ASZ1: variants seen among roughly 807,000 people sequenced by gnomAD.
The protein encoded by ASZ1 is ankyrin repeat, SAM and basic leucine zipper domain-containing protein 1.
Under a neutral mutation model 61.8 loss-of-function variants are expected in ASZ1, and 67 were observed. That is an observed-to-expected ratio of 1.08 (90% CI 0.89 to 1.33). The LOEUF (loss-of-function observed/expected upper bound fraction) is 1.33, where lower values mean the gene tolerates loss of function less well. Ranked by LOEUF, ASZ1 falls within the 40% of genes most tolerant of loss-of-function variation. The pLI, the probability that ASZ1 is intolerant of heterozygous loss-of-function variation, is 0.00. For synonymous variants in ASZ1, 193 were observed against 192.7 expected (o/e 1.00, Z -0.01); for missense variants, 577 against 554.5 (o/e 1.04, Z -0.41).
chr7:117,426,798 A>G, intron 2 of ASZ1, 38 bp downstream of exon 2: 1 of 1,520,194 alleles, frequency 6.6e-7, no homozygotes, highest in East Asian at 2.3e-5. Flanking sequence ...CGAACTTAAG[A>G]CAGCTGTGTT....
chr7:117,397,968 G>C (rs902437997), intron 4 of ASZ1, among the ~76,000 whole-genome samples: 5 of 152,318 alleles, frequency 3.3e-5, no homozygotes, highest in South Asian at 2.1e-4. Flanking sequence ...TCCACATAGT[G>C]GGTAGCCAAT....
At chr7:117,421,368 A>G (rs1205536331) in intron 3 of ASZ1, among the ~76,000 whole-genome samples, 4 of 151,806 alleles carry the variant, frequency 2.6e-5, no homozygotes, top group Non-Finnish European at 1.5e-5. Flanking sequence ...GTGTGCCACC[A>G]CCCCTGGCTA....
chr7:117,391,768 G>A (rs568742085), intron 4 of ASZ1, among the ~76,000 whole-genome samples: 46 of 152,008 alleles, frequency 3.0e-4, no homozygotes, highest in African/African-American at 1.0e-3. Flanking sequence ...TGCTTTGGCT[G>A]TTCAGGTTCT....
At chr7:117,364,606 C>T (rs1179261115) in intron 12 of ASZ1, among the ~76,000 whole-genome samples, 2 of 152,076 alleles carry the variant, frequency 1.3e-5, no homozygotes, top group African/African-American at 4.8e-5. Context: ...CTAGAAACAT[C>T]CTGTGCTGGA....
chr7:117,399,508 C>T (rs1166857555), intron 4 of ASZ1, among the ~76,000 whole-genome samples: 1 of 152,166 alleles, frequency 6.6e-6, no homozygotes, highest in African/African-American at 2.4e-5. Context: ...TAACTCTTAG[C>T]GTTTAGCATG....
chr7:117,425,432 A>AT (rs571644836), intron 2 of ASZ1, among the ~76,000 whole-genome samples: 340 of 150,952 alleles, frequency 2.3e-3, no homozygotes, highest in East Asian at 8.1e-3. Context: ...CGCCCAGCTA[A>AT]TTTTTTTTGT....
intron 10 of ASZ1, among the ~76,000 whole-genome samples, chr7:117,373,662 G>A (rs987745361): frequency 6.6e-5 from 10 of 152,068 alleles, no homozygotes; most frequent in Admixed American, 5.9e-4. Context: ...TGTAAACAAA[G>A]TCTGTGATTT....
chr7:117,407,433 G>C (rs1796806611), intron 4 of ASZ1, among the ~76,000 whole-genome samples: 2 of 151,932 alleles, frequency 1.3e-5, no homozygotes, highest in South Asian at 4.2e-4. Flanking sequence ...AATCAGGACA[G>C]TAGTCCCTGC....
At chr7:117,403,496 C>T (rs1354217964) in intron 4 of ASZ1, among the ~76,000 whole-genome samples, 2 of 152,126 alleles carry the variant, frequency 1.3e-5, no homozygotes, top group African/African-American at 4.8e-5. Context: ...GTTTTGTCAT[C>T]CTAACTCTCA....
rs577199699 is a variant in ASZ1, at chr7:117,416,433, C to T, written c.440+3730G>A. 1.2e-3 allele frequency among the ~76,000 whole-genome samples: 182 copies of T among 152,134 alleles called. 1 individual carries two copies. Among genetic ancestry groups the T allele is most frequent in the African/African-American group, 4.3e-3 (178 of 41,494 alleles). ...CTAAGCAATTGATTTTCTGCCTTAC[C>T]GGAACACTTGTTTTTCTCAGGCCAT... On this transcript the variant is annotated intron_variant, in intron 4 of 12. Coordinates refer to ENST00000284629, the MANE Select transcript of ASZ1 (RefSeq NM_130768.3).
chr7:117,425,992 C>T (rs1395715610), intron 2 of ASZ1, among the ~76,000 whole-genome samples: 1 of 151,856 alleles, frequency 6.6e-6, no homozygotes, highest in Admixed American at 6.6e-5. Flanking sequence ...ACACTCCATC[C>T]CCTTCCTTCA....
chr7:117,420,553 G>C (rs192449299), intron 3 of ASZ1, among the ~76,000 whole-genome samples: 17 of 152,318 alleles, frequency 1.1e-4, no homozygotes, highest in African/African-American at 3.8e-4. Context: ...CATGGACACA[G>C]CCACATTGTC....
chr7:117,380,037 G>A lies in ASZ1; in HGVS notation c.956C>T (p.Thr319Ile), dbSNP rs761513192. The A allele has an allele frequency of 1.3e-6, 2 of 1,583,260 alleles. No individual in the cohort carries two copies. Among genetic ancestry groups the A allele is most frequent in the South Asian group, 1.1e-5 (1 of 89,488 alleles). The change falls in exon 10 of 13, where the codon ACC (threonine) becomes ATC (isoleucine). Residue 319 changes from threonine (T) to isoleucine (I), a missense_variant. Physicochemically the swap from Thr to Ile is moderately conservative, Grantham distance 89. Coordinates refer to ENST00000284629, the MANE Select transcript of ASZ1 (RefSeq NM_130768.3). ...CAGAATTTTCTGCTGGTCTTTACTG[G>A]TAATTCCATTCTAAGCAGAAATAAT... ...REDEFTKNGITSKDQQKILAA... is the reference protein window; with the variant it reads ...REDEFTKNGIISKDQQKILAA...
At chr7:117,394,653 A>G (rs142714504) in intron 4 of ASZ1, among the ~76,000 whole-genome samples, 30 of 152,184 alleles carry the variant, frequency 2.0e-4, no homozygotes, top group African/African-American at 7.0e-4. Flanking sequence ...CTTTGGAATT[A>G]TTATTTGACA....
Position 117,384,780 on chromosome 7 carries a change from T to G in ASZ1, c.633A>C (p.Gln211His). The G allele has an allele frequency of 6.2e-7, 1 of 1,612,126 alleles. No homozygotes were observed. The highest frequency in any genetic ancestry group is 8.5e-7 in the Non-Finnish European group (1 of 1,179,272). ...CACTTGGCATCTTTCCATCTTTGGT[T>G]TGTAGCATTTTATTAGCTCCAAGTT... ...LLELGANKML[Q>H]TKDGKMPSEI... The change falls in exon 6 of 13, where the codon CAA (glutamine) becomes CAC (histidine). Residue 211 changes from glutamine to histidine, a missense_variant. Transcript: ENST00000284629.
At chr7:117,388,930 G>A (rs145152312) in intron 4 of ASZ1, among the ~76,000 whole-genome samples, 9 of 152,226 alleles carry the variant, frequency 5.9e-5, no homozygotes, top group Middle Eastern at 3.4e-3. Context: ...ATTTGGCAAG[G>A]TTACAGCATT....
Position 117,420,294 on chromosome 7 carries a change from G to C in ASZ1, c.329-20C>G. 3 of 1,561,950 alleles carry C rather than the reference G, an allele frequency of 1.9e-6. No individual in the cohort carries two copies. The highest frequency in any genetic ancestry group is 2.6e-6 in the Non-Finnish European group (3 of 1,139,630). ...GCTTATCTATAGTGAATAGAAAAGT[G>C]AGGAAAAATCCCCATACATCAAGAG... On this transcript the variant is annotated intron_variant, in intron 3 of 12. Transcript: ENST00000284629.
At chr7:117,368,817 T>A (rs1795994248) in intron 10 of ASZ1, 100 bp from the exon 11 acceptor site, 1 of 1,561,064 alleles carries the variant, frequency 6.4e-7, no homozygotes, top group Non-Finnish European at 8.6e-7. Context: ...TAAAATTAGA[T>A]TCTTCCAAAA....
intron 6 of ASZ1, 32 bp downstream of exon 6, chr7:117,384,694 A>G: frequency 1.3e-6 from 2 of 1,578,628 alleles, no homozygotes; most frequent in African/African-American, 1.4e-5. Flanking sequence ...GATATGCCAC[A>G]GAAAATAAGT....
Sources: allele counts gnomAD v4.1 joint callset (sites outside exome capture counted in the v4.1 genomes callset), GRCh38; gene constraint gnomAD v4.1.1; transcripts MANE v1.5; gene names NCBI Gene and HGNC (gene_info 2026-07-23, HGNC 2026-07-21).